The following FREM2 variants were observed in gnomAD, a reference collection of about 807,000 sequenced individuals.
FREM2 encodes FRAS1 related extracellular matrix 2, also known as FRAS1-related extracellular matrix protein 2.
In FREM2, 119 loss-of-function variants were observed where a neutral mutation model predicts 219.9. The observed-to-expected ratio is 0.54, with a 90% CI of 0.47 to 0.63. The LOEUF is 0.63. Ranked by LOEUF, FREM2 falls within the 30% of genes least tolerant of loss-of-function variation. FREM2 has a pLI of 0.00. For synonymous variants in FREM2, 1,562 were observed against 1,522.8 expected (o/e 1.03, Z -0.60); for missense variants, 4,030 against 3,993.6 (o/e 1.01, Z -0.25).
At chr13:38,773,238 A>C (rs1873738609) in intron 4 of FREM2, among the ~76,000 whole-genome samples, 1 of 152,110 alleles carries the variant, frequency 6.6e-6, no homozygotes, top group Admixed American at 6.6e-5. Flanking sequence ...CAGTGCCCTC[A>C]TGGATATACT....
At chr13:38,773,056 A>T (rs1028416665) in intron 4 of FREM2, among the ~76,000 whole-genome samples, 1 of 152,090 alleles carries the variant, frequency 6.6e-6, no homozygotes, top group African/African-American at 2.4e-5. Flanking sequence ...ACATTTTATA[A>T]TTATGGTCTT....
chr13:38,883,914 T>C lies in FREM2; in HGVS notation c.*3127T>C, dbSNP rs912317683. 3.3e-5 allele frequency: 5 copies of C among 152,206 alleles called. No homozygotes were observed. Among genetic ancestry groups the C allele is most frequent in the African/African-American group, 9.7e-5 (4 of 41,446 alleles). The allele number at this position is 152,206 out of a possible 1,614,324, so 9.4% of individuals were successfully genotyped here. ...GATTCAAACCAGTAACTTAGTAAAA[T>C]TGACCTTCGCAAAACCTCACTGGGG... On this transcript the variant is annotated 3_prime_UTR_variant, in exon 24 of 24. Coordinates refer to ENST00000280481, the MANE Select transcript of FREM2 (RefSeq NM_207361.6).
chr13:38,735,134 G>A (rs576829083), intron 2 of FREM2, among the ~76,000 whole-genome samples: 2 of 152,122 alleles, frequency 1.3e-5, no homozygotes, highest in Non-Finnish European at 2.9e-5. Flanking sequence ...TCGATCTGGG[G>A]TGATATGTCA....
At chr13:38,858,088 A>C in intron 13 of FREM2, 55 bp downstream of exon 13, 1 of 1,401,372 alleles carries the variant, frequency 7.1e-7, no homozygotes, top group Non-Finnish European at 1.0e-6. Flanking sequence ...ATTTCAAATA[A>C]TTATAATCAA....
chr13:38,851,571 A>G, intron 10 of FREM2, 115 bp from the exon 11 acceptor site: 1 of 824,514 alleles, frequency 1.2e-6, no homozygotes, highest in Non-Finnish European at 2.0e-6. Flanking sequence ...GACAGAGAGA[A>G]GCCAGGAGTG....
intron 6 of FREM2, among the ~76,000 whole-genome samples, chr13:38,816,990 T>C (rs1875792825): frequency 6.6e-6 from 1 of 152,036 alleles, no homozygotes; most frequent in African/African-American, 2.4e-5. Context: ...AAAAGATACC[T>C]AGTAATAAAT....
At chr13:38,750,456 G>T (rs532023869) in intron 2 of FREM2, among the ~76,000 whole-genome samples, 2 of 28,514 alleles carry the variant, frequency 7.0e-5, no homozygotes, top group East Asian at 2.0e-3. Flanking sequence ...AATGGCAAGA[G>T]TTCATTTTTT....
chr13:38,744,553 G>A (rs545567711), intron 2 of FREM2, among the ~76,000 whole-genome samples: 5 of 152,040 alleles, frequency 3.3e-5, no homozygotes, highest in South Asian at 4.2e-4. Flanking sequence ...GCGCAGTGGC[G>A]TGATCTCGGC....
At chr13:38,861,649 G>A (rs1877767882) in intron 15 of FREM2, 87 bp downstream of exon 15, 2 of 1,461,994 alleles carry the variant, frequency 1.4e-6, no homozygotes, top group Non-Finnish European at 1.9e-6. Context: ...AAATAACCAA[G>A]CTTAAATAAA....
intron 2 of FREM2, among the ~76,000 whole-genome samples, chr13:38,763,464 C>CTTATTTTTTT (rs1555265870): frequency 9.8e-6 from 1 of 102,364 alleles, no homozygotes; most frequent in Non-Finnish European, 1.8e-5. Flanking sequence ...GTTACTTGGG[C>CTTATTTTTTT]TTTTTTTTTT....
At chr13:38,844,209 G>A (rs1374517668) in intron 6 of FREM2, among the ~76,000 whole-genome samples, 1 of 152,072 alleles carries the variant, frequency 6.6e-6, no homozygotes, top group East Asian at 1.9e-4. Context: ...ACGTAATAAT[G>A]TTGTTTGCAT....
intron 18 of FREM2, 138 bp downstream of exon 18, chr13:38,874,724 C>T: frequency 1.4e-6 from 1 of 735,180 alleles, no homozygotes; most frequent in South Asian, 1.5e-5. Context: ...GGATTATCTC[C>T]ATGAGAGCTT....
intron 6 of FREM2, among the ~76,000 whole-genome samples, chr13:38,839,419 C>T (rs1342736245): frequency 6.6e-6 from 1 of 152,192 alleles, no homozygotes; most frequent in African/African-American, 2.4e-5. Context: ...GAGGTATCTC[C>T]CCATCAGGAG....
rs1876924093 is a variant in FREM2 at position 38,840,693 on chromosome 13, TGTGCATATATA to T, written c.6020-5879_6020-5869del. Among the ~76,000 whole-genome samples the T allele has an allele frequency of 2.0e-5, 3 of 149,210 alleles. No individual in the cohort carries two copies. In the Admixed American group the frequency reaches 2.0e-4, roughly 10 times the overall value. Reference sequence around the variant, plus strand: ...ACATATGTATACATGTGTGTATATATGTGCATATATACACACACACACACAGATATATATAT... The same window carrying T: ...ACATATGTATACATGTGTGTATATATCACACACACACACAGATATATATAT... On this transcript the variant is annotated intron_variant, in intron 6 of 23. Transcript: ENST00000280481.
At chr13:38,807,499 C>T (rs1875294645) in intron 6 of FREM2, among the ~76,000 whole-genome samples, 2 of 150,654 alleles carry the variant, frequency 1.3e-5, no homozygotes, top group East Asian at 4.0e-4. Context: ...TATAGCCTTA[C>T]AAAATGTATT....
intron 6 of FREM2, among the ~76,000 whole-genome samples, chr13:38,839,589 C>T (rs1196221162): frequency 6.6e-6 from 1 of 152,180 alleles, no homozygotes; most frequent in Non-Finnish European, 1.5e-5. Flanking sequence ...GGTGCTCTGT[C>T]CCAGGGAGAT....
intron 2 of FREM2, among the ~76,000 whole-genome samples, chr13:38,762,535 G>A (rs770262932): frequency 6.6e-6 from 1 of 152,022 alleles, no homozygotes; most frequent in African/African-American, 2.4e-5. Context: ...TGCTTCCTGG[G>A]TACAAGCGAT....
chr13:38,877,843 T>C lies in FREM2; in HGVS notation c.8672-291T>C, dbSNP rs575038741. On this transcript the variant is annotated intron_variant, in intron 21 of 23. Coordinates refer to ENST00000280481, the MANE Select transcript of FREM2 (RefSeq NM_207361.6). ...CTGGACTTGGACCACAATGGGATAT[T>C]ATTAATGCCAAATTATAGGCCAGAT... Among the ~76,000 whole-genome samples, 44 of 152,350 alleles carry C rather than the reference T, an allele frequency of 2.9e-4. 1 individual carries two copies. The South Asian group carries it at 8.5e-3, about 29-fold the overall frequency.
intron 2 of FREM2, among the ~76,000 whole-genome samples, chr13:38,763,471 T>C (rs1159088561): frequency 6.7e-6 from 1 of 148,354 alleles, no homozygotes; most frequent in African/African-American, 2.5e-5. Context: ...GGGCTTTTTT[T>C]TTTTTTACAC....
Sources: gnomAD v4.1 joint callset for allele counts (sites outside exome capture counted in the v4.1 genomes callset) on GRCh38, gnomAD v4.1.1 for gene constraint, MANE v1.5 for transcripts, NCBI Gene and HGNC (gene_info 2026-07-23, HGNC 2026-07-21) for gene names.